FAS: variants seen among roughly 807,000 people sequenced by gnomAD.
The protein encoded by FAS is Fas cell surface death receptor, also known as tumor necrosis factor receptor superfamily member 6.
In FAS, 5 loss-of-function variants were observed where a neutral mutation model predicts 33.2. The ratio of observed to expected loss-of-function variants is 0.15; its 90% CI spans 0.08 to 0.32. The LOEUF (loss-of-function observed/expected upper bound fraction) is 0.32, where lower values mean the gene tolerates loss of function less well. FAS is among the 10% of genes least tolerant of loss of function. The pLI is 1.00. For synonymous variants in FAS, 131 were observed against 130.7 expected, an observed-to-expected ratio of 1.00 and a Z score of -0.01; for missense variants, 339 against 386.0, an observed-to-expected ratio of 0.88 and a Z score of 1.02.
At chr10:88,976,823 G>A (rs1480164337) in intron 2 of FAS, among the ~76,000 whole-genome samples, 1 of 152,184 alleles carries the variant, frequency 6.6e-6, no homozygotes, top group Non-Finnish European at 1.5e-5. Flanking sequence ...TAGAGTTGAA[G>A]TTTGAAAATT....
chr10:88,988,327 T>G (rs1394608349), upstream of FAS, among the ~76,000 whole-genome samples: 1 of 152,112 alleles, frequency 6.6e-6, no homozygotes, highest in Non-Finnish European at 1.5e-5. Flanking sequence ...TATTGCAATT[T>G]AGTAAAAACA....
At chr10:89,010,428 C>A in intron 4 of FAS, 111 bp from the exon 5 acceptor site, 1 of 818,938 alleles carries the variant, frequency 1.2e-6, no homozygotes, top group Non-Finnish European at 2.1e-6. Context: ...AATACGTTTG[C>A]CAGAGATGCA....
At chr10:88,972,786 G>A (rs147791165) in intron 1 of FAS, among the ~76,000 whole-genome samples, 303 of 152,062 alleles carry the variant, frequency 2.0e-3, no homozygotes, top group African/African-American at 6.7e-3. Context: ...TTTTCTCTGC[G>A]TTGTTTCTAG....
chr10:89,012,143 G>A (rs1355707874), intron 7 of FAS, 62 bp downstream of exon 7: 3 of 1,410,684 alleles, frequency 2.1e-6, no homozygotes, highest in Non-Finnish European at 3.0e-6. Context: ...TAGTGATTTG[G>A]CTTTTTGTTA....
chr10:88,993,585 A>C (rs560975725), intron 1 of FAS, among the ~76,000 whole-genome samples: 3 of 152,220 alleles, frequency 2.0e-5, no homozygotes, highest in Non-Finnish European at 4.4e-5. Context: ...TGGTCAAAGG[A>C]AAGGGAGAGG....
intron 1 of FAS, among the ~76,000 whole-genome samples, chr10:88,964,429 G>A (rs1846286740): frequency 6.6e-6 from 1 of 152,136 alleles, no homozygotes; most frequent in South Asian, 2.1e-4. Context: ...TTCTAGGGGT[G>A]GCAAATTGTG....
intron 2 of FAS, chr10:88,973,374 A>G (rs1846492728): frequency 6.9e-7 from 1 of 1,446,228 alleles, no homozygotes; most frequent in Admixed American, 2.3e-5. Context: ...CAGGCGAACA[A>G]TTGTGAAAAT....
At chr10:88,998,154 G>A (rs1250295309) in intron 1 of FAS, among the ~76,000 whole-genome samples, 2 of 152,158 alleles carry the variant, frequency 1.3e-5, no homozygotes, top group Non-Finnish European at 2.9e-5. Context: ...CTGATATCAA[G>A]GTGCCAACTG....
At chr10:88,973,053 G>C (rs1242509728) in intron 1 of FAS, 1 of 1,077,254 alleles carries the variant, frequency 9.3e-7, no homozygotes, top group Non-Finnish European at 1.3e-6. Flanking sequence ...TATTTTAAAA[G>C]CTAACCTTGT....
upstream of FAS, chr10:88,990,697 G>A: frequency 1.4e-6 from 1 of 731,108 alleles, no homozygotes; most frequent in Non-Finnish European, 2.4e-6. This position sits in a 1 kb window ranked among gnomAD's most constrained non-coding sequence, Gnocchi z 4.9. Flanking sequence ...CTTCTGGGGA[G>A]TGAGGGAAGC....
In FAS at chr10:88,990,948, G is replaced by C. The variant is rs1383259545; in HGVS notation, c.30+42G>C. The C allele has an allele frequency of 1.2e-6, 2 of 1,613,878 alleles. No homozygotes were observed. The highest frequency in any genetic ancestry group is 1.3e-5 in the African/African-American group (1 of 74,932). ...CCGGGTGGAGGCTTACCCCGTCTTA[G>C]TCCCGGGGATAGGCAAAGTGGGGCG... On this transcript the variant is annotated intron_variant, in intron 1 of 8. Transcript: ENST00000652046. The surrounding 1 kb of genome is among the most constrained non-coding windows in gnomAD (Gnocchi z 4.9).
upstream of FAS, among the ~76,000 whole-genome samples, chr10:88,986,679 G>GAAAGGAAGTAATA (rs1564665579): frequency 4.5e-4 from 29 of 64,660 alleles, no homozygotes; most frequent in Non-Finnish European, 7.5e-4. Flanking sequence ...AGGAAGTAGT[G>GAAAGGAAGTAATA]CAGGAAGGAA....
intron 2 of FAS, among the ~76,000 whole-genome samples, chr10:89,004,992 T>A (rs1848137509): frequency 6.6e-6 from 1 of 152,194 alleles, no homozygotes; most frequent in Non-Finnish European, 1.5e-5. Context: ...AAAAGACAGA[T>A]TTTATTTCTA....
chr10:89,015,777 T>G lies in FAS; in HGVS notation c.*1327T>G. ...GGTAAAAGTACGTAATTAAATAATGTTTTTGGTATTTCTGGTTTTCTCTTT... is the reference window on the plus strand; with the variant it reads ...GGTAAAAGTACGTAATTAAATAATGGTTTTGGTATTTCTGGTTTTCTCTTT... On this transcript the variant is annotated 3_prime_UTR_variant, in exon 9 of 9. Transcript: ENST00000652046. 2.1e-6 allele frequency: 1 copy of G among 477,782 alleles called. No homozygotes were observed. The highest frequency in any genetic ancestry group is 1.9e-5 in the South Asian group (1 of 52,426). 29.6% of individuals were successfully genotyped at this position (477,782 alleles called of 1,614,324 possible). A position where few individuals can be genotyped will look rare whatever the true frequency, so the allele number is the denominator to read the frequency against.
chr10:89,008,781 T>C (rs1360592335), intron 3 of FAS, 108 bp from the exon 4 acceptor site: 1 of 961,798 alleles, frequency 1.0e-6, no homozygotes, highest in East Asian at 2.4e-5. Flanking sequence ...GCTGTGACTG[T>C]TGATATAAGC....
In FAS at chr10:88,980,359, C is replaced by G. The variant is rs556571919; in HGVS notation, n.260+7012C>G. Among the ~76,000 whole-genome samples, 4 of 152,314 alleles carry G rather than the reference C, an allele frequency of 2.6e-5. No individual in the cohort carries two copies. In the South Asian group the frequency reaches 8.3e-4, roughly 32 times the overall value. On this transcript the variant is annotated intron_variant and non_coding_transcript_variant, in intron 2 of 3. Coordinates refer to the FAS transcript ENST00000688239. ...CTGAGGAGAGCACATTAGCAAGCAT[C>G]AGGACGCTGAACATAACCACAGTGG...
At chr10:89,001,694 C>G (rs897297319) in intron 1 of FAS, among the ~76,000 whole-genome samples, 1 of 152,162 alleles carries the variant, frequency 6.6e-6, no homozygotes, top group African/African-American at 2.4e-5. Context: ...CTCACTGATG[C>G]TGCAGGCAAT....
At chr10:89,011,630 C>T (rs888770453) in intron 6 of FAS, among the ~76,000 whole-genome samples, 2 of 152,158 alleles carry the variant, frequency 1.3e-5, no homozygotes, top group African/African-American at 4.8e-5. Flanking sequence ...TATTTCATTT[C>T]TGGGCATCCA....
At chr10:89,010,892 C>T in intron 6 of FAS, 77 bp downstream of exon 6, 1 of 1,509,108 alleles carries the variant, frequency 6.6e-7, no homozygotes, top group Non-Finnish European at 9.2e-7. Context: ...TCATTCTTAC[C>T]TATAAAAAGC....
Sources: gnomAD v4.1 joint callset for allele counts (sites outside exome capture counted in the v4.1 genomes callset) on GRCh38, gnomAD v4.1.1 for gene constraint, Gnocchi (gnomAD v3.1) non-coding constraint, MANE v1.5 for transcripts, NCBI Gene and HGNC (gene_info 2026-07-23, HGNC 2026-07-21) for gene names.